SNRNP200: variants seen among roughly 807,000 people sequenced by gnomAD.
The protein encoded by SNRNP200 is U5 small nuclear ribonucleoprotein 200 kDa helicase.
SNRNP200 carries 66 observed loss-of-function variants against 255.2 expected under a neutral mutation model. The ratio of observed to expected loss-of-function variants is 0.26; its 90% confidence interval spans 0.21 to 0.32. The LOEUF (loss-of-function observed/expected upper bound fraction) is 0.32, where lower values mean the gene tolerates loss of function less well. SNRNP200 is among the 10% of genes least tolerant of loss of function. The pLI is 1.00. For missense variants in SNRNP200, 1,585 were observed against 2,749.8 expected, an observed-to-expected ratio of 0.58 and a Z score of 9.47; for synonymous variants, 939 against 1,027.8, an observed-to-expected ratio of 0.91 and a Z score of 1.65.
Position 96,278,110 on chromosome 2 carries a change from G to T in SNRNP200, c.5610+127C>A. On this transcript the variant is annotated intron_variant, in intron 39 of 44. Transcript: ENST00000323853. This position sits in a 1 kb window ranked among gnomAD's most constrained non-coding sequence, Gnocchi z 6.9. ...GATGGGTTTGAGGGAGGTATGGAGC[G>T]GGAGGACATATGGCGGGGGTCGGGG... is the stretch of plus-strand genomic sequence containing the variant. The T allele has an allele frequency of 6.5e-7, 1 of 1,530,836 alleles. No homozygotes were observed. The highest frequency in any genetic ancestry group is 9.0e-7 in the Non-Finnish European group (1 of 1,107,648). The allele number at this position is 1,530,836 out of a possible 1,614,324, so 94.8% of individuals were successfully genotyped here. A position where few individuals can be genotyped will look rare whatever the true frequency, so the allele number is the denominator to read the frequency against.
rs2063939090 is a variant in SNRNP200 at position 96,299,382 on chromosome 2, C to G, written c.676G>C (p.Asp226His). The change falls in exon 6 of 45, where the codon GAT (aspartate) becomes CAT (histidine). Residue 226 changes from aspartate to histidine, a missense_variant. By Grantham distance (81) the Asp-to-His change is moderately conservative. Coordinates refer to ENST00000323853, the MANE Select transcript of SNRNP200 (RefSeq NM_014014.5). ...GCCTCGTCCCCTTCCATGTCATCATCAGATGCCTCTTCTCGAACCTCCCCG... is the reference window on the plus strand; with the variant it reads ...GCCTCGTCCCCTTCCATGTCATCATGAGATGCCTCTTCTCGAACCTCCCCG... ...VYGEVREEAS[D>H]DDMEGDEAVV... The G allele has an allele frequency of 6.2e-7, 1 of 1,614,044 alleles. No homozygotes were observed. The highest frequency in any genetic ancestry group is 1.1e-5 in the South Asian group (1 of 91,088).
At chr2:96,284,680 G>C in intron 30 of SNRNP200, 95 bp from the exon 31 acceptor site, 6 of 837,748 alleles carry the variant, frequency 7.2e-6, no homozygotes, top group Non-Finnish European at 1.2e-5. Flanking sequence ...CAGACCTGTT[G>C]ACCTGCAGAT....
Position 96,277,256 on chromosome 2 carries a change from C to T in SNRNP200, c.5932-15G>A, listed in dbSNP as rs955918608. On this transcript the variant is annotated splice_polypyrimidine_tract_variant and intron_variant, in intron 41 of 44. Coordinates refer to ENST00000323853, the MANE Select transcript of SNRNP200 (RefSeq NM_014014.5). This position sits in a 1 kb window ranked among gnomAD's most constrained non-coding sequence, Gnocchi z 4.4. ...CTCTCCACTCCCTGCAGTGAGTATT[C>T]AGACGTCAGGAAAGAGAGAACACGG... is the stretch of plus-strand genomic sequence containing the variant. 4 of 1,613,832 alleles carry T rather than the reference C, an allele frequency of 2.5e-6. No homozygotes were observed. In the African/African-American group the frequency reaches 4.0e-5, roughly 16 times the overall value.
chr2:96,275,213 T>C (rs756726433), intron 44 of SNRNP200, 44 bp downstream of exon 44: 3 of 1,613,714 alleles, frequency 1.9e-6, no homozygotes, highest in Non-Finnish European at 1.7e-6. Context: ...TTCTCACCCT[T>C]CCCCCATGCC....
rs1684688269 is a variant in SNRNP200, at chr2:96,277,523, G to T, written c.5931+16C>A. The T allele has an allele frequency of 6.2e-7, 1 of 1,612,194 alleles. No homozygotes were observed. The highest frequency in any genetic ancestry group is 8.5e-7 in the Non-Finnish European group (1 of 1,180,000). ...TCAGGCTCACCCACCTGACCCTCTA[G>T]GCTGACCCGGCTCACCTTGTCTGTG... On this transcript the variant is annotated intron_variant, in intron 41 of 44. Coordinates refer to ENST00000323853, the MANE Select transcript of SNRNP200 (RefSeq NM_014014.5). This position sits in a 1 kb window ranked among gnomAD's most constrained non-coding sequence, Gnocchi z 4.4.
At chr2:96,297,305 T>C (rs964145121) in intron 11 of SNRNP200, 58 bp downstream of exon 11, 2 of 1,607,204 alleles carry the variant, frequency 1.2e-6, no homozygotes, top group African/African-American at 1.3e-5. Flanking sequence ...TGGTCAATGG[T>C]TGAAATCCAA....
chr2:96,288,351 G>C (rs2063856669), intron 24 of SNRNP200, among the ~76,000 whole-genome samples: 1 of 152,220 alleles, frequency 6.6e-6, no homozygotes, highest in African/African-American at 2.4e-5. Flanking sequence ...TTTATGAGCT[G>C]TGCAGCAACA....
chr2:96,288,171 C>T (rs985694377), intron 24 of SNRNP200, among the ~76,000 whole-genome samples: 4 of 152,172 alleles, frequency 2.6e-5, no homozygotes, highest in East Asian at 1.9e-4. Context: ...AAGAGTGCTG[C>T]GGCTCAAGGT....
chr2:96,284,951 T>C (rs185230206), intron 30 of SNRNP200: 196 of 607,776 alleles, frequency 3.2e-4, no homozygotes, highest in African/African-American at 3.1e-3. Context: ...GGTTTCACCA[T>C]GTTGGCCAGG....
Position 96,274,696 on chromosome 2 carries a change from G to T in SNRNP200, c.*316C>A, listed in dbSNP as rs1684624485. 1.0e-5 allele frequency: 4 copies of T among 397,552 alleles called. No individual in the cohort carries two copies. The highest frequency in any genetic ancestry group is 1.9e-5 in the Non-Finnish European group (4 of 211,706). The allele number at this position is 397,552 out of a possible 1,614,324, so 24.6% of individuals were successfully genotyped here. On this transcript the variant is annotated 3_prime_UTR_variant, in exon 45 of 45. Coordinates refer to ENST00000323853, the MANE Select transcript of SNRNP200 (RefSeq NM_014014.5). ...TGGCCGTGCCCTCAGGTTGGAGAAA[G>T]AAAACTTTTAATTTGGAATCACTAC...
In SNRNP200 at chr2:96,285,498, C is replaced by G. The variant is rs958977044; in HGVS notation, c.4004-158G>C. On this transcript the variant is annotated intron_variant, in intron 29 of 44. Coordinates refer to ENST00000323853, the MANE Select transcript of SNRNP200 (RefSeq NM_014014.5). The stretch of plus-strand genomic sequence containing the variant: ...GCTAAGGCATCCAAGCCTCTAACTC[C>G]AGGCCAGCCCTACTGTACCCCCTTA... 9 of 760,000 alleles carry G rather than the reference C, an allele frequency of 1.2e-5. No homozygotes were observed. The South Asian group carries it at 1.4e-4, about 12-fold the overall frequency. The allele number at this position is 760,000 out of a possible 1,614,324, so 47.1% of individuals were successfully genotyped here.
Position 96,290,116 on chromosome 2 carries a change from T to C in SNRNP200, c.2743-120A>G, listed in dbSNP as rs1453964984. ...CAAGGATGCATATTACATCGTATTC[T>C]GAATGTTTTTAGCATTTCATTATTA... On this transcript the variant is annotated intron_variant, in intron 20 of 44. Transcript: ENST00000323853. This position sits in a 1 kb window ranked among gnomAD's most constrained non-coding sequence, Gnocchi z 4.5. 1 of 1,071,358 alleles carries C rather than the reference T, an allele frequency of 9.3e-7. No individual in the cohort carries two copies. The highest frequency in any genetic ancestry group is 1.4e-6 in the Non-Finnish European group (1 of 695,132). The allele number at this position is 1,071,358 out of a possible 1,614,324, so 66.4% of individuals were successfully genotyped here. A position where few individuals can be genotyped will look rare whatever the true frequency, so the allele number is the denominator to read the frequency against.
At chr2:96,302,351 A>T (rs1040495578) in intron 3 of SNRNP200, among the ~76,000 whole-genome samples, 1 of 152,240 alleles carries the variant, frequency 6.6e-6, no homozygotes, top group Non-Finnish European at 1.5e-5. Flanking sequence ...AAGAGGATCC[A>T]GAGAAAAGGT....
intron 12 of SNRNP200, 119 bp downstream of exon 12, chr2:96,296,814 A>C: frequency 6.5e-7 from 1 of 1,549,454 alleles, no homozygotes. Flanking sequence ...CCTACTATTT[A>C]ACCTCTCTTC....
At chr2:96,293,749 T>C (rs987936882) in intron 14 of SNRNP200, among the ~76,000 whole-genome samples, 1 of 152,204 alleles carries the variant, frequency 6.6e-6, no homozygotes, top group Non-Finnish European at 1.5e-5. Context: ...ATAAAGAAAT[T>C]CTGAAACTCA....
In SNRNP200 at chr2:96,274,912, G is replaced by T; in HGVS notation, c.*100C>A. ...GCACCAGCCCTGGCTGGCCAGACCT[G>T]AGGCCCACAGACCTGGTCCCCACAA... On this transcript the variant is annotated 3_prime_UTR_variant, in exon 45 of 45. Transcript: ENST00000323853. The T allele has an allele frequency of 7.0e-7, 1 of 1,423,832 alleles. No homozygotes were observed. The highest frequency in any genetic ancestry group is 9.9e-7 in the Non-Finnish European group (1 of 1,014,024). 88.2% of individuals were successfully genotyped at this position (1,423,832 alleles called of 1,614,324 possible).
rs2063851149 is a variant in SNRNP200 at position 96,287,521 on chromosome 2, T to C, written c.3402A>G (p.Lys1134=). The C allele has an allele frequency of 1.2e-6, 2 of 1,613,696 alleles. No homozygotes were observed. The highest frequency in any genetic ancestry group is 2.7e-5 in the African/African-American group (2 of 74,754). Residue 1134 remains lysine (K), a synonymous_variant, in exon 26 of 45, where the codon AAA becomes AAG. Coordinates refer to ENST00000323853, the MANE Select transcript of SNRNP200 (RefSeq NM_014014.5). The surrounding 1 kb of genome is among the most constrained non-coding windows in gnomAD (Gnocchi z 5.7). The stretch of plus-strand genomic sequence containing the variant: ...TCTTCTTCACTACTTCCTCAGGGAG[T>C]TTCCGGAACTGGCGCAGAGGACACA... ...QSMCPLRQFR[K]LPEEVVKKIE... is the part of the protein sequence containing the mutation.
chr2:96,301,181 C>T, intron 4 of SNRNP200, 128 bp from the exon 5 acceptor site: 1 of 813,386 alleles, frequency 1.2e-6, no homozygotes, highest in South Asian at 1.4e-5. Context: ...CATACAGATA[C>T]TTAGATGATC....
intron 35 of SNRNP200, 47 bp from the exon 36 acceptor site, chr2:96,279,606 G>T: frequency 2.3e-6 from 3 of 1,289,518 alleles, no homozygotes; most frequent in South Asian, 2.4e-5. Flanking sequence ...TCAACACGGA[G>T]ACCATGCTCA....
Sources: gnomAD v4.1 joint callset for allele counts (sites outside exome capture counted in the v4.1 genomes callset) on GRCh38, gnomAD v4.1.1 for gene constraint, Gnocchi (gnomAD v3.1) non-coding constraint, MANE v1.5 for transcripts, NCBI Gene and HGNC (gene_info 2026-07-23, HGNC 2026-07-21) for gene names.